Variants in VPS13B observed in about 807,000 individuals in gnomAD.
VPS13B encodes the protein intermembrane lipid transfer protein VPS13B.
Under a neutral mutation model 426.4 loss-of-function variants are expected in VPS13B, and 285 were observed. That is an observed-to-expected ratio of 0.67 (90% CI 0.61 to 0.74). The LOEUF (loss-of-function observed/expected upper bound fraction) is 0.74, where lower values mean the gene tolerates loss of function less well. Among genes scored for constraint, VPS13B ranks in the 30% least tolerant of loss-of-function variants. The probability of loss-of-function intolerance (pLI) is 0.00; values close to 1 mark genes in which losing one functional copy is unlikely to be tolerated. For missense variants in VPS13B, 4,537 were observed against 4,782.6 expected, an observed-to-expected ratio of 0.95 and a Z score of 1.51; for synonymous variants, 1,676 against 1,676.4, an observed-to-expected ratio of 1.00 and a Z score of 0.01.
chr8:99,349,333 A>AAAG (rs1811734183), intron 19 of VPS13B, among the ~76,000 whole-genome samples: 1 of 18,056 alleles, frequency 5.5e-5, no homozygotes, highest in Non-Finnish European at 1.5e-4. Context: ...ACTCCGTCTC[A>AAAG]AAAAAAAAAA....
chr8:99,222,452 G>T (rs1178337558), intron 17 of VPS13B, among the ~76,000 whole-genome samples: 1 of 152,124 alleles, frequency 6.6e-6, no homozygotes, highest in African/African-American at 2.4e-5. Context: ...GCCTAGCTTG[G>T]TAATTGGTGG....
intron 17 of VPS13B, among the ~76,000 whole-genome samples, chr8:99,245,045 T>G (rs1395872180): frequency 2.6e-5 from 4 of 152,246 alleles, no homozygotes; most frequent in Non-Finnish European, 4.4e-5. Flanking sequence ...TTGTTGGCTC[T>G]CTTGTGCTTT....
intron 17 of VPS13B, among the ~76,000 whole-genome samples, chr8:99,205,213 A>T (rs1324881398): frequency 6.6e-6 from 1 of 152,176 alleles, no homozygotes; most frequent in East Asian, 1.9e-4. Flanking sequence ...AGGGAGATAG[A>T]TGGAGCTAGA....
intron 3 of VPS13B, among the ~76,000 whole-genome samples, chr8:99,085,787 T>A (rs1170089856): frequency 6.6e-6 from 1 of 152,240 alleles, no homozygotes; most frequent in Non-Finnish European, 1.5e-5. Flanking sequence ...CCCACTTTCT[T>A]CTGGCTTGTT....
chr8:99,565,629 C>T (rs888313285), intron 31 of VPS13B, among the ~76,000 whole-genome samples: 2 of 151,988 alleles, frequency 1.3e-5, no homozygotes, highest in Non-Finnish European at 2.9e-5. Flanking sequence ...GACTATTCCC[C>T]AAATGTTCAC....
At chr8:99,598,707 A>G (rs1201200491) in intron 33 of VPS13B, among the ~76,000 whole-genome samples, 6 of 151,804 alleles carry the variant, frequency 4.0e-5, no homozygotes, top group African/African-American at 1.5e-4. Flanking sequence ...TTATAACACT[A>G]ATTGAGCATT....
At chr8:99,171,966 G>T (rs747072907) in intron 16 of VPS13B, among the ~76,000 whole-genome samples, 15 of 152,026 alleles carry the variant, frequency 9.9e-5, no homozygotes, top group Middle Eastern at 3.2e-3. Flanking sequence ...ATGAGATGAG[G>T]TCCTGTTAGA....
At chr8:99,609,963 T>A (rs1238723725) in intron 33 of VPS13B, among the ~76,000 whole-genome samples, 2 of 152,212 alleles carry the variant, frequency 1.3e-5, no homozygotes, top group African/African-American at 4.8e-5. Flanking sequence ...TGTTAAACGG[T>A]CCTTAATAGG....
intron 17 of VPS13B, among the ~76,000 whole-genome samples, chr8:99,235,464 T>C (rs1418330346): frequency 6.6e-6 from 1 of 152,186 alleles, no homozygotes; most frequent in Non-Finnish European, 1.5e-5. Context: ...ATCTGTACCT[T>C]TTCTGTGTGC....
intron 21 of VPS13B, among the ~76,000 whole-genome samples, chr8:99,398,488 A>G (rs1044752729): frequency 2.6e-5 from 4 of 152,202 alleles, no homozygotes; most frequent in African/African-American, 4.8e-5. Context: ...TTGTTAAGGA[A>G]TGGATGTGAA....
chr8:99,231,746 C>A (rs957462609), intron 17 of VPS13B, among the ~76,000 whole-genome samples: 1 of 152,098 alleles, frequency 6.6e-6, no homozygotes, highest in African/African-American at 2.4e-5. Context: ...CCTGAGGTAG[C>A]TTTTTCTGTG....
At chr8:99,791,978 A>G (rs1377952912) in intron 43 of VPS13B, among the ~76,000 whole-genome samples, 1 of 152,220 alleles carries the variant, frequency 6.6e-6, no homozygotes, top group African/African-American at 2.4e-5. Flanking sequence ...GGAGAAAGCC[A>G]TAAAATGGGA....
At chr8:99,028,031 AAGATCAC>A (rs1842227924) in intron 2 of VPS13B, among the ~76,000 whole-genome samples, 1 of 152,248 alleles carries the variant, frequency 6.6e-6, no homozygotes, top group Non-Finnish European at 1.5e-5. Context: ...GGTTGGGGGT[AAGATCAC>A]AGATCAACAG....
chr8:99,864,234 TTA>T (rs1816981686), intron 58 of VPS13B, among the ~76,000 whole-genome samples: 1 of 152,206 alleles, frequency 6.6e-6, no homozygotes, highest in African/African-American at 2.4e-5. Context: ...CTAATTGAAG[TTA>T]GAGCCATTAT....
intron 15 of VPS13B, among the ~76,000 whole-genome samples, chr8:99,168,220 A>C (rs1047199405): frequency 3.3e-5 from 5 of 152,138 alleles, no homozygotes; most frequent in African/African-American, 9.7e-5. Context: ...ATGTTTTCTT[A>C]GAAGCATCTC....
At chr8:99,522,654 G>A (rs890031253) in intron 30 of VPS13B, among the ~76,000 whole-genome samples, 1 of 152,034 alleles carries the variant, frequency 6.6e-6, no homozygotes, top group Admixed American at 6.5e-5. Flanking sequence ...AGCATGTAGG[G>A]TAACTTGGGG....
intron 19 of VPS13B, among the ~76,000 whole-genome samples, chr8:99,369,288 G>A (rs1014536951): frequency 3.9e-5 from 6 of 152,196 alleles, no homozygotes; most frequent in East Asian, 3.8e-4. Flanking sequence ...GAGAGGGAAG[G>A]AAGAGGATTG....
At chr8:99,539,269 A>T (rs1823423959) in intron 30 of VPS13B, among the ~76,000 whole-genome samples, 1 of 152,208 alleles carries the variant, frequency 6.6e-6, no homozygotes, top group South Asian at 2.1e-4. Flanking sequence ...CTTTTGCATT[A>T]TCTTGCAGCA....
At chr8:99,540,460 G>A (rs1255987187) in intron 30 of VPS13B, among the ~76,000 whole-genome samples, 1 of 152,124 alleles carries the variant, frequency 6.6e-6, no homozygotes, top group Admixed American at 6.6e-5. Context: ...TAAATTGGGA[G>A]TCATTTTTGT....
Sources: gnomAD v4.1 joint callset for allele counts (sites outside exome capture counted in the v4.1 genomes callset) on GRCh38, gnomAD v4.1.1 for gene constraint, MANE v1.5 for transcripts, NCBI Gene and HGNC (gene_info 2026-07-23, HGNC 2026-07-21) for gene names.